The following SLC12A1 variants were observed in gnomAD, a reference collection of about 807,000 sequenced individuals.
The protein encoded by SLC12A1 is solute carrier family 12 member 1, also known as Na-K-2Cl cotransporter.
SLC12A1 carries 89 observed loss-of-function variants against 130.4 expected under a neutral mutation model. The observed-to-expected ratio is 0.68, with a 90% confidence interval of 0.58 to 0.81. SLC12A1 has a LOEUF of 0.81. Among genes scored for constraint, SLC12A1 ranks in the 40% least tolerant of loss-of-function variants. SLC12A1 has a pLI of 0.00. For missense variants in SLC12A1, 1,310 were observed against 1,336.4 expected, an observed-to-expected ratio of 0.98 and a Z score of 0.31; for synonymous variants, 499 against 460.0, an observed-to-expected ratio of 1.08 and a Z score of -1.09.
chr15:48,268,333 G>T (rs1397729223), intron 18 of SLC12A1, among the ~76,000 whole-genome samples: 1 of 151,986 alleles, frequency 6.6e-6, no homozygotes, highest in South Asian at 2.1e-4. Context: ...ATAATTTAGA[G>T]TGACAAAGAA....
chr15:48,271,701 T>G (rs1489773742), intron 19 of SLC12A1, among the ~76,000 whole-genome samples: 1 of 152,156 alleles, frequency 6.6e-6, no homozygotes, highest in Non-Finnish European at 1.5e-5. Context: ...ATATAAAGCC[T>G]GGGGCCACGT....
chr15:48,246,262 C>G (rs1172739496), intron 11 of SLC12A1, among the ~76,000 whole-genome samples: 1 of 152,164 alleles, frequency 6.6e-6, no homozygotes, highest in Non-Finnish European at 1.5e-5. Context: ...TAGTAAACAG[C>G]TGAGTCCCTC....
intron 21 of SLC12A1, among the ~76,000 whole-genome samples, chr15:48,287,792 A>C (rs1163494106): frequency 6.6e-6 from 1 of 152,210 alleles, no homozygotes; most frequent in African/African-American, 2.4e-5. Flanking sequence ...ATTGTCTTTT[A>C]ATAAAAACTA....
chr15:48,243,660 A>G (rs539891980), intron 10 of SLC12A1, among the ~76,000 whole-genome samples: 11 of 152,224 alleles, frequency 7.2e-5, no homozygotes, highest in Non-Finnish European at 1.3e-4. Context: ...TCTCAAAAAC[A>G]AAAACAAACA....
chr15:48,283,184 T>C (rs1041764055), intron 20 of SLC12A1, among the ~76,000 whole-genome samples: 5 of 152,256 alleles, frequency 3.3e-5, no homozygotes, highest in Non-Finnish European at 7.3e-5. Context: ...ATTCTTGCTC[T>C]GTTTTTTAAG....
At chr15:48,220,469 A>G (rs981603888) in intron 2 of SLC12A1, among the ~76,000 whole-genome samples, 165 bp from the exon 3 acceptor site, 5 of 152,180 alleles carry the variant, frequency 3.3e-5, no homozygotes, top group African/African-American at 1.2e-4. Flanking sequence ...TTCAGCTTCC[A>G]GGGCAAAAAA....
chr15:48,246,052 C>T lies in SLC12A1; in HGVS notation c.1453-857C>T, dbSNP rs538743983. Among the ~76,000 whole-genome samples the T allele has an allele frequency of 2.7e-4, 41 of 152,238 alleles. 1 individual carries two copies. In the East Asian group the frequency reaches 7.7e-3, roughly 29 times the overall value. On this transcript the variant is annotated intron_variant, in intron 11 of 26. Coordinates refer to ENST00000380993, the MANE Select transcript of SLC12A1 (RefSeq NM_000338.3). ...AGCAGAGGGAGAAGTAAATTTGTCG[C>T]GAAAGCTTCATTCTTCTGTTTTAAC...
In SLC12A1 at chr15:48,234,996, G is replaced by T; in HGVS notation, c.1207G>T (p.Asp403Tyr). The T allele has an allele frequency of 5.0e-6, 8 of 1,613,820 alleles. No homozygotes were observed. Among genetic ancestry groups the T allele is most frequent in the Non-Finnish European group, 6.8e-6 (8 of 1,179,850 alleles). ...GILAGANISG[D>Y]LEDPQDAIPR... is the part of the protein sequence containing the mutation. Reference sequence around the variant, plus strand: ...TCTTGCTGGTGCCAATATCTCAGGAGATTTGGAGGTACGTTGTTTGCTCTG... The same window carrying T: ...TCTTGCTGGTGCCAATATCTCAGGATATTTGGAGGTACGTTGTTTGCTCTG... The change falls in exon 9 of 27, where the codon GAT (aspartate) becomes TAT (tyrosine). Residue 403 changes from aspartate (D) to tyrosine (Y), a missense_variant. Asp to Tyr is a radical substitution (Grantham distance 160). Coordinates refer to ENST00000380993, the MANE Select transcript of SLC12A1 (RefSeq NM_000338.3).
Position 48,226,466 on chromosome 15 carries a change from T to A in SLC12A1, c.629-10T>A. The A allele has an allele frequency of 6.6e-7, 1 of 1,514,846 alleles. No homozygotes were observed. Among genetic ancestry groups the A allele is most frequent in the South Asian group, 1.2e-5 (1 of 82,502 alleles). The allele number at this position is 1,514,846 out of a possible 1,614,324, so 93.8% of individuals were successfully genotyped here. On this transcript the variant is annotated splice_polypyrimidine_tract_variant and intron_variant, in intron 4 of 26. Transcript: ENST00000380993. ...AAAATGCAATATCTTCTATCTTTCA[T>A]TGCTAACAGGTCTTGGAGTTCTCAT...
At chr15:48,250,674 C>CCACACACACACACACACACACACACA in intron 14 of SLC12A1, among the ~76,000 whole-genome samples, 1 of 56,170 alleles carries the variant, frequency 1.8e-5, no homozygotes, top group African/African-American at 9.2e-5. Context: ...AAAATGTCTG[C>CCACACACACACACACACACACACACA]CTCACACACA....
intron 24 of SLC12A1, among the ~76,000 whole-genome samples, chr15:48,294,351 A>G (rs1447466203): frequency 6.6e-6 from 1 of 151,272 alleles, no homozygotes; most frequent in Non-Finnish European, 1.5e-5. Flanking sequence ...ACATCTCAAA[A>G]AAAAAAAAAA....
chr15:48,275,843 A>C (rs1447312649), intron 20 of SLC12A1, among the ~76,000 whole-genome samples: 1 of 152,222 alleles, frequency 6.6e-6, no homozygotes, highest in African/African-American at 2.4e-5. Context: ...TTCTGTAGGT[A>C]ATGAGGAACC....
chr15:48,226,983 G>A (rs2141027901), intron 5 of SLC12A1: 4 of 778,156 alleles, frequency 5.1e-6, no homozygotes, highest in South Asian at 1.7e-5. Flanking sequence ...CAGGGAGGTG[G>A]ATCTTTCTGT....
intron 26 of SLC12A1, among the ~76,000 whole-genome samples, chr15:48,302,395 T>C (rs986854783): frequency 5.4e-5 from 8 of 148,936 alleles, no homozygotes; most frequent in Non-Finnish European, 7.4e-5. Flanking sequence ...CCGAGGCGGG[T>C]GGATCATGAG....
chr15:48,216,812 T>C (rs899949184), intron 2 of SLC12A1, among the ~76,000 whole-genome samples: 1 of 152,234 alleles, frequency 6.6e-6, no homozygotes, highest in African/African-American at 2.4e-5. Flanking sequence ...GAAAGTTACA[T>C]TTGACCTATT....
In SLC12A1 at chr15:48,251,711, C is replaced by G. The variant is rs1057520301; in HGVS notation, c.1883C>G (p.Ala628Gly). The G allele has an allele frequency of 4.3e-6, 7 of 1,613,658 alleles. No homozygotes were observed. The Admixed American group carries it at 1.2e-4, about 27-fold the overall frequency. ...ATGTTTGTCATCAACTGGTGGGCAG[C>G]TGTCATCACCTATGTCATTGAATTC... is the stretch of plus-strand genomic sequence containing the variant. Reference protein sequence around the residue: ...AVMFVINWWAAVITYVIEFFL... With the variant: ...AVMFVINWWAGVITYVIEFFL... Residue 628 changes from alanine to glycine, a missense_variant, in exon 15 of 27, where the codon GCT (alanine) becomes GGT (glycine). Ala to Gly is a moderately conservative substitution (Grantham distance 60). Transcript: ENST00000380993.
chr15:48,219,881 T>C (rs2041179084), intron 2 of SLC12A1, among the ~76,000 whole-genome samples: 1 of 151,908 alleles, frequency 6.6e-6, no homozygotes, highest in East Asian at 1.9e-4. Context: ...GGCAAAAGTC[T>C]GTCTCTACAA....
At chr15:48,272,573 C>A (rs2041909245) in intron 19 of SLC12A1, among the ~76,000 whole-genome samples, 1 of 152,062 alleles carries the variant, frequency 6.6e-6, no homozygotes, top group Admixed American at 6.5e-5. Context: ...ACTACAGGTG[C>A]ACACCACCAT....
At position 48,268,320 on chromosome 15, in the gene SLC12A1, G is replaced by A. The variant is rs891808418; in HGVS notation, c.2295+619G>A. 6.6e-5 allele frequency among the ~76,000 whole-genome samples: 10 copies of A among 151,414 alleles called. No individual in the cohort carries two copies. The Middle Eastern group carries it at 0.014, about 207-fold the overall frequency. On this transcript the variant is annotated intron_variant, in intron 18 of 26. Transcript: ENST00000380993. ...ATAAAATCTTTTCCTAGTTCTGATC[G>A]TCATAATTTAGAGTGACAAAGAATC...
Sources: allele counts gnomAD v4.1 joint callset (sites outside exome capture counted in the v4.1 genomes callset), GRCh38; gene constraint gnomAD v4.1.1; transcripts MANE v1.5; gene names NCBI Gene and HGNC (gene_info 2026-07-23, HGNC 2026-07-21).